TMEM187: variants seen among roughly 807,000 people sequenced by gnomAD.
TMEM187 encodes chromosome X open reading frame 12.
Under a neutral mutation model 11.8 loss-of-function variants are expected in TMEM187, and 14 were observed. The observed-to-expected ratio is 1.18, with a 90% CI of 0.78 to 1.85. The LOEUF (loss-of-function observed/expected upper bound fraction) is 1.85. Among genes scored for constraint, TMEM187 ranks in the 40% most tolerant of loss-of-function variants. The pLI, the probability that TMEM187 is intolerant of heterozygous loss-of-function variation, is 0.00. For missense variants in TMEM187, 227 were observed against 243.9 expected (o/e 0.93, Z 0.46); for synonymous variants, 112 against 118.5 (o/e 0.95, Z 0.36).
In TMEM187 at chrX:153,972,866, T is replaced by C. The variant is rs1302184829; in HGVS notation, c.-214+6T>C. On this transcript the variant is annotated splice_donor_region_variant and intron_variant, in intron 1 of 1. Coordinates refer to ENST00000369982, the MANE Select transcript of TMEM187 (RefSeq NM_003492.3). ...GGCCTTTTCGCGCCAATACTGTAAGTGCTCACCGCAGCCCTGGGAGGTGGG... is the reference window on the plus strand; with the variant it reads ...GGCCTTTTCGCGCCAATACTGTAAGCGCTCACCGCAGCCCTGGGAGGTGGG... 1.2e-4 allele frequency: 13 copies of C among 112,976 alleles called. No individual in the cohort carries two copies. Among genetic ancestry groups the C allele is most frequent in the African/African-American group, 3.9e-4 (12 of 31,027 alleles). 9.3% of individuals were successfully genotyped at this position (112,976 alleles called of 1,213,427 possible).
intron 1 of TMEM187, among the ~76,000 whole-genome samples, chrX:153,977,428 G>A (rs1397969537): frequency 2.0e-4 from 22 of 109,558 alleles, no homozygotes; most frequent in Non-Finnish European, 3.4e-4. Flanking sequence ...CACCCCAGCC[G>A]ATATGGCAAA....
chrX:153,981,369 C>A (rs1288598522), intron 1 of TMEM187, among the ~76,000 whole-genome samples: 1 of 111,480 alleles, frequency 9.0e-6, no homozygotes, highest in Non-Finnish European at 1.9e-5. Context: ...GGAAGCTGGC[C>A]TGGGAAGCCT....
At position 153,972,939 on chromosome X, in the gene TMEM187, C is replaced by CGCGGCGGCG. The variant is rs782390507; in HGVS notation, c.-214+97_-214+105dup. 32 of 117,499 alleles carry CGCGGCGGCG rather than the reference C, an allele frequency of 2.7e-4. No individual in the cohort carries two copies. The South Asian group carries it at 4.0e-3, about 15-fold the overall frequency. 9.7% of individuals were successfully genotyped at this position (117,499 alleles called of 1,213,427 possible). On this transcript the variant is annotated intron_variant, in intron 1 of 1. Coordinates refer to ENST00000369982, the MANE Select transcript of TMEM187 (RefSeq NM_003492.3). ...CGCCTCCTCTAGGAGGCCGCCCGGG[C>CGCGGCGGCG]GCGGCGGCGGCGGCGGCGGCGGCGG...
In TMEM187 at chrX:153,975,629, C is replaced by CTTTTTTT. The variant is rs58423366; in HGVS notation, c.-214+2794_-214+2800dup. Among the ~76,000 whole-genome samples, 67 of 16,645 alleles carry CTTTTTTT rather than the reference C, an allele frequency of 4.0e-3. 8 individuals carry two copies. Among genetic ancestry groups the CTTTTTTT allele is most frequent in the African/African-American group, 0.012 (66 of 5,329 alleles). The allele number at this position is 16,645 out of a possible 115,157, so 14.5% of individuals were successfully genotyped here. Reference sequence around the variant, plus strand: ...ACAGGTGTGAGCCACCACACCCAGCCTTTTTTTTTTTTTTTTTTTTTTTTT... The same window carrying CTTTTTTT: ...ACAGGTGTGAGCCACCACACCCAGCCTTTTTTTTTTTTTTTTTTTTTTTTTTTTTTTT... On this transcript the variant is annotated intron_variant, in intron 1 of 1. Transcript: ENST00000369982.
chrX:153,981,903 C>A lies in TMEM187; in HGVS notation c.-160C>A. On this transcript the variant is annotated 5_prime_UTR_variant, in exon 2 of 2. Coordinates refer to ENST00000369982, the MANE Select transcript of TMEM187 (RefSeq NM_003492.3). ...GCCAGCCAATCAGCAGGACTCCTGC[C>A]TTCCTTCGGGGCAAGGTCGCAGCAT... 1 of 980,472 alleles carries A rather than the reference C, an allele frequency of 1.0e-6. No homozygotes were observed. Among genetic ancestry groups the A allele is most frequent in the Non-Finnish European group, 1.4e-6 (1 of 716,507 alleles). 80.8% of individuals were successfully genotyped at this position (980,472 alleles called of 1,213,427 possible). A position where few individuals can be genotyped will look rare whatever the true frequency, so the allele number is the denominator to read the frequency against.
At chrX:153,973,675 T>A (rs1415794299) in intron 1 of TMEM187, among the ~76,000 whole-genome samples, 1 of 96,918 alleles carries the variant, frequency 1.0e-5, no homozygotes, top group East Asian at 4.6e-4. Flanking sequence ...AGCAAGACCC[T>A]GTCTCAAAAA....
At position 153,981,977 on chromosome X, in the gene TMEM187, C is replaced by T. The variant is rs782629098; in HGVS notation, c.-86C>T. 3.1e-5 allele frequency: 37 copies of T among 1,199,267 alleles called. No individual in the cohort carries two copies. The highest frequency in any genetic ancestry group is 1.2e-4 in the African/African-American group (7 of 57,432). ...CGGGGCTTCTTTCTGCTGGCTCAGC[C>T]GGGAGGCCCAGAGTGTTCTGCAGAG... On this transcript the variant is annotated 5_prime_UTR_variant, in exon 2 of 2. Transcript: ENST00000369982.
At position 153,982,281 on chromosome X, in the gene TMEM187, CA is replaced by C. The variant is rs782614697; in HGVS notation, c.220del (p.Arg74GlyfsTer12). 21 of 1,211,020 alleles carry C rather than the reference CA, an allele frequency of 1.7e-5. No homozygotes were observed. Among genetic ancestry groups the C allele is most frequent in the Non-Finnish European group, 2.2e-5 (20 of 895,473 alleles). ...CGCTGCTGGGGCTGTCGTGGCTGCA[CA>C]GGGGCGGCGCGATGGGGCTGGGTCC... The part of the protein sequence containing the change: ...YTLLGLSWLH[R>X]GGAMGLGPRY... On this transcript the variant is annotated frameshift_variant, in exon 2 of 2. Coordinates refer to ENST00000369982, the MANE Select transcript of TMEM187 (RefSeq NM_003492.3). LOFTEE classifies it high-confidence loss of function.
chrX:153,982,221 C>T lies in TMEM187; in HGVS notation c.159C>T (p.Ala53=). The part of the protein sequence containing the change: ...APVAGLPAFL[A]MPFNSLVNMA... The stretch of plus-strand genomic sequence containing the variant: ...TGGCCGGCCTCCCTGCCTTCCTGGC[C>T]ATGCCGTTCAACTCACTCGTGAACA... Residue 53 remains alanine, a synonymous_variant, in exon 2 of 2, where the codon GCC becomes GCT. Transcript: ENST00000369982. The T allele has an allele frequency of 8.2e-7, 1 of 1,212,486 alleles. No homozygotes were observed. The highest frequency in any genetic ancestry group is 1.1e-6 in the Non-Finnish European group (1 of 895,661).
Position 153,972,766 on chromosome X carries a change from C to T in TMEM187, c.-308C>T, listed in dbSNP as rs1247084993. ...TGCGCGCAGGCGCACCGGCGCTGCT[C>T]GGATCCTCCCTTTTCGGAGATTTGA... is the stretch of plus-strand genomic sequence containing the variant. On this transcript the variant is annotated 5_prime_UTR_variant, in exon 1 of 2. Transcript: ENST00000369982. 3.6e-5 allele frequency: 4 copies of T among 111,682 alleles called. No individual in the cohort carries two copies. Among genetic ancestry groups the T allele is most frequent in the Non-Finnish European group, 7.6e-5 (4 of 52,675 alleles). 9.2% of individuals were successfully genotyped at this position (111,682 alleles called of 1,213,427 possible).
At chrX:153,973,633 A>T (rs1046053512) in intron 1 of TMEM187, among the ~76,000 whole-genome samples, 11 of 111,458 alleles carry the variant, frequency 9.9e-5, no homozygotes, top group African/African-American at 3.3e-4. Flanking sequence ...CAGTGAGCTG[A>T]GATCGCGCCA....
chrX:153,977,994 G>C (rs2065583429), intron 1 of TMEM187, among the ~76,000 whole-genome samples: 3 of 108,600 alleles, frequency 2.8e-5, no homozygotes, highest in Non-Finnish European at 5.7e-5. Context: ...GAAGCAGGTA[G>C]ATCACGAGGT....
rs1557122529 is a variant in TMEM187 at position 153,982,129 on chromosome X, G to A, written c.67G>A (p.Val23Met). 2 of 1,212,526 alleles carry A rather than the reference G, an allele frequency of 1.6e-6. No homozygotes were observed. The highest frequency in any genetic ancestry group is 1.1e-6 in the Non-Finnish European group (1 of 895,692). ...GGCCGGTGGCCTCTGTGCCGTGGCT[G>A]TGTTCACGGGCATTTTCGACAGTGT... ...AVAGGLCAVA[V>M]FTGIFDSVSV... Residue 23 changes from valine to methionine, a missense_variant, in exon 2 of 2, where the codon GTG becomes ATG. Physicochemically the swap from Val to Met is conservative, Grantham distance 21. Transcript: ENST00000369982.
chrX:153,973,110 A>T (rs2065560435), intron 1 of TMEM187, among the ~76,000 whole-genome samples: 1 of 112,517 alleles, frequency 8.9e-6, no homozygotes, highest in Non-Finnish European at 1.9e-5. Flanking sequence ...AAATTACAAG[A>T]TCTACCAGAT....
chrX:153,977,660 C>A (rs1360845653), intron 1 of TMEM187, among the ~76,000 whole-genome samples: 1 of 101,371 alleles, frequency 9.9e-6, no homozygotes, highest in Non-Finnish European at 1.9e-5. Flanking sequence ...CCTGTCATCC[C>A]AGCACTTTGG....
intron 1 of TMEM187, among the ~76,000 whole-genome samples, chrX:153,974,441 A>G (rs1012925132): frequency 8.9e-6 from 1 of 112,421 alleles, no homozygotes; most frequent in African/African-American, 3.2e-5. Flanking sequence ...GTCAAGGGCA[A>G]TGGCCAGGCG....
At chrX:153,977,359 A>T (rs1480574556) in intron 1 of TMEM187, among the ~76,000 whole-genome samples, 1 of 111,741 alleles carries the variant, frequency 8.9e-6, no homozygotes, top group African/African-American at 3.3e-5. Flanking sequence ...TCACGCCTGT[A>T]ATCCCGGCAC....
chrX:153,980,898 A>G (rs1313232883), intron 1 of TMEM187, among the ~76,000 whole-genome samples: 2 of 106,412 alleles, frequency 1.9e-5, no homozygotes, highest in Admixed American at 1.0e-4. Flanking sequence ...TAGCCTGGGC[A>G]ACAGAGTGAG....
intron 1 of TMEM187, among the ~76,000 whole-genome samples, chrX:153,977,464 A>G (rs2065580890): frequency 9.0e-6 from 1 of 110,676 alleles, no homozygotes; most frequent in Non-Finnish European, 1.9e-5. Context: ...AAATACAAAA[A>G]TTAGCCGGGC....
Sources: allele counts gnomAD v4.1 joint callset (sites outside exome capture counted in the v4.1 genomes callset), GRCh38; gene constraint gnomAD v4.1.1; transcripts MANE v1.5; gene names NCBI Gene and HGNC (gene_info 2026-07-23, HGNC 2026-07-21).